The following ASXL2 variants were observed in gnomAD, a reference collection of about 807,000 sequenced individuals.
The protein encoded by ASXL2 is putative Polycomb group protein ASXL2.
Under a neutral mutation model 122.0 loss-of-function variants are expected in ASXL2, and 23 were observed. The ratio of observed to expected loss-of-function variants is 0.19; its 90% CI spans 0.14 to 0.27. ASXL2 has a LOEUF of 0.27. ASXL2 is among the 10% of genes least tolerant of loss of function. The pLI is 1.00. For missense variants in ASXL2, 1,518 were observed against 1,713.8 expected, an observed-to-expected ratio of 0.89 and a Z score of 2.02; for synonymous variants, 650 against 637.0, an observed-to-expected ratio of 1.02 and a Z score of -0.31.
At chr2:25,860,020 A>AAAAAT (rs1166575696) in intron 1 of ASXL2, among the ~76,000 whole-genome samples, 3 of 152,232 alleles carry the variant, frequency 2.0e-5, no homozygotes, top group African/African-American at 7.2e-5. Flanking sequence ...ATTGTCTCTT[A>AAAAAT]AAAATAAAAT....
At position 25,739,948 on chromosome 2, in the gene ASXL2, AG is replaced by A; in HGVS notation, c.*2080del. 1 of 217,824 alleles carries A rather than the reference AG, an allele frequency of 4.6e-6. No homozygotes were observed. 13.5% of individuals were successfully genotyped at this position (217,824 alleles called of 1,614,324 possible). On this transcript the variant is annotated 3_prime_UTR_variant, in exon 13 of 13. Coordinates refer to ENST00000435504, the MANE Select transcript of ASXL2 (RefSeq NM_018263.6). Reference sequence around the variant, plus strand: ...GGCAGGGAGAGTTCTATGCAGCAACAGGTCTCTTTAAACCCTTCCTGGATTG... The same window carrying A: ...GGCAGGGAGAGTTCTATGCAGCAACAGTCTCTTTAAACCCTTCCTGGATTG...
intron 3 of ASXL2, among the ~76,000 whole-genome samples, chr2:25,827,983 T>C (rs2089398664): frequency 6.6e-6 from 1 of 151,732 alleles, no homozygotes; most frequent in African/African-American, 2.4e-5. Flanking sequence ...ACTAACATCT[T>C]CTAAAAAGCA....
chr2:25,856,732 G>A, intron 1 of ASXL2: 1 of 1,305,256 alleles, frequency 7.7e-7, no homozygotes, highest in Admixed American at 1.7e-5. Flanking sequence ...GAGCCGATCT[G>A]GTTGACCTTC....
rs533016858 is a variant in ASXL2, at chr2:25,755,883, C to T, written c.1036+135G>A. The T allele has an allele frequency of 4.1e-6, 3 of 738,102 alleles. No individual in the cohort carries two copies. In the Admixed American group the frequency reaches 6.9e-5, roughly 17 times the overall value. 45.7% of individuals were successfully genotyped at this position (738,102 alleles called of 1,614,324 possible). The stretch of plus-strand genomic sequence containing the variant: ...TAGATAAAAGTTTAACAACGTGTTC[C>T]ACACATGATGGTTAATTCTATCCTA... On this transcript the variant is annotated intron_variant, in intron 10 of 12. Coordinates refer to ENST00000435504, the MANE Select transcript of ASXL2 (RefSeq NM_018263.6).
At chr2:25,868,865 T>C (rs900791355) in intron 1 of ASXL2, among the ~76,000 whole-genome samples, 2 of 151,884 alleles carry the variant, frequency 1.3e-5, no homozygotes, top group South Asian at 2.1e-4. Context: ...CGCATCTCTA[T>C]AAAAAATACA....
At chr2:25,876,951 T>C (rs2090014382) in intron 1 of ASXL2, among the ~76,000 whole-genome samples, 1 of 152,124 alleles carries the variant, frequency 6.6e-6, no homozygotes, top group African/African-American at 2.4e-5. Flanking sequence ...TTTGGGGAAA[T>C]AAAGAGACTA....
In ASXL2 at chr2:25,859,580, C is replaced by T. The variant is rs79278864; in HGVS notation, c.58-14017G>A. Among the ~76,000 whole-genome samples the T allele has an allele frequency of 2.0e-5, 3 of 152,268 alleles. No homozygotes were observed. In the East Asian group the frequency reaches 5.8e-4, roughly 29 times the overall value. On this transcript the variant is annotated intron_variant, in intron 1 of 12. Transcript: ENST00000435504. ...GTTCCAATTCTTAAAATGGACTAAG[C>T]ATATTCCACCCTGTCACTCCCACTG...
chr2:25,807,645 T>G (rs1403029948), intron 3 of ASXL2, among the ~76,000 whole-genome samples: 1 of 152,074 alleles, frequency 6.6e-6, no homozygotes, highest in African/African-American at 2.4e-5. Flanking sequence ...TAAAAAGATA[T>G]TAACATGTAC....
intron 7 of ASXL2, among the ~76,000 whole-genome samples, 185 bp downstream of exon 7, chr2:25,768,557 T>C (rs2088392302): frequency 6.6e-6 from 1 of 152,212 alleles, no homozygotes; most frequent in South Asian, 2.1e-4. Flanking sequence ...TTTTAATAAC[T>C]GCATGATTAT....
chr2:25,750,064 C>G lies in ASXL2; in HGVS notation c.1492G>C (p.Glu498Gln). 1 of 1,613,932 alleles carries G rather than the reference C, an allele frequency of 6.2e-7. No individual in the cohort carries two copies. The highest frequency in any genetic ancestry group is 8.5e-7 in the Non-Finnish European group (1 of 1,179,882). ...AGATGGTTCTTCTCAGATTCCTGTT[C>G]AGCAGAGGTGACTGGCTTCTGCTCC... The part of the protein sequence containing the change: ...LLEQKPVTSA[E>Q]QESEKNHLTT... Residue 498 changes from glutamate (E) to glutamine (Q), a missense_variant, in exon 12 of 13, where the codon GAA becomes CAA. Physicochemically the swap from Glu to Gln is conservative, Grantham distance 29. Coordinates refer to ENST00000435504, the MANE Select transcript of ASXL2 (RefSeq NM_018263.6).
chr2:25,835,560 C>T lies in ASXL2; in HGVS notation c.141-20G>A. On this transcript the variant is annotated intron_variant, in intron 2 of 12. Transcript: ENST00000435504. ...TACCTTCTGGAGTTGGAATGCAGTGCAGGAAAATGAAAGAAGGAAAAAAAA... is the reference window on the plus strand; with the variant it reads ...TACCTTCTGGAGTTGGAATGCAGTGTAGGAAAATGAAAGAAGGAAAAAAAA... 1 of 275,116 alleles carries T rather than the reference C, an allele frequency of 3.6e-6. No individual in the cohort carries two copies. The highest frequency in any genetic ancestry group is 7.8e-6 in the Non-Finnish European group (1 of 127,714). 17.0% of individuals were successfully genotyped at this position (275,116 alleles called of 1,614,324 possible). A position where few individuals can be genotyped will look rare whatever the true frequency, so the allele number is the denominator to read the frequency against.
intron 1 of ASXL2, chr2:25,856,645 C>A: frequency 8.0e-7 from 1 of 1,257,310 alleles, no homozygotes; most frequent in Non-Finnish European, 1.2e-6. Flanking sequence ...TCCTCAGTCT[C>A]CCCAGAGTGG....
chr2:25,878,415 T>G lies in ASXL2; in HGVS notation c.-193A>C. 8.3e-6 allele frequency: 5 copies of G among 600,476 alleles called. No individual in the cohort carries two copies. Among genetic ancestry groups the G allele is most frequent in the Non-Finnish European group, 8.8e-6 (3 of 339,102 alleles). The allele number at this position is 600,476 out of a possible 1,614,324, so 37.2% of individuals were successfully genotyped here. A position where few individuals can be genotyped will look rare whatever the true frequency, so the allele number is the denominator to read the frequency against. The stretch of plus-strand genomic sequence containing the variant: ...GGGGTCTATGGGGCGGCCGGTCCTC[T>G]TGCTGCCGTTGCCACTGCTACCGCC... On this transcript the variant is annotated 5_prime_UTR_variant, in exon 1 of 13. Coordinates refer to ENST00000435504, the MANE Select transcript of ASXL2 (RefSeq NM_018263.6).
intron 3 of ASXL2, among the ~76,000 whole-genome samples, chr2:25,807,884 C>T (rs2089106088): frequency 6.6e-6 from 1 of 152,036 alleles, no homozygotes; most frequent in Non-Finnish European, 1.5e-5. Flanking sequence ...CAAAAATTTC[C>T]TGTGAAACAA....
At chr2:25,857,889 T>C (rs2089799671) in intron 1 of ASXL2, among the ~76,000 whole-genome samples, 1 of 152,202 alleles carries the variant, frequency 6.6e-6, no homozygotes, top group Non-Finnish European at 1.5e-5. Context: ...TTATTTATTT[T>C]TGAGACAGAG....
intron 12 of ASXL2, among the ~76,000 whole-genome samples, chr2:25,745,457 C>T (rs1473714923): frequency 6.6e-6 from 1 of 151,026 alleles, no homozygotes; most frequent in African/African-American, 2.4e-5. Flanking sequence ...TTGTGATATA[C>T]CTGCCTCGGC....
At chr2:25,859,154 TG>T (rs755346166) in intron 1 of ASXL2, among the ~76,000 whole-genome samples, 4 of 144,550 alleles carry the variant, frequency 2.8e-5, no homozygotes, top group Non-Finnish European at 4.6e-5. Context: ...TTGCCCAGAC[TG>T]GCCTTGAATT....
At position 25,806,268 on chromosome 2, in the gene ASXL2, G is replaced by A. The variant is rs1336645478; in HGVS notation, c.213C>T (p.Phe71=). 6.2e-7 allele frequency: 1 copy of A among 1,613,496 alleles called. No homozygotes were observed. The highest frequency in any genetic ancestry group is 1.3e-5 in the African/African-American group (1 of 75,022). Residue 71 remains phenylalanine (F), a synonymous_variant, in exon 4 of 13, where the codon TTC becomes TTT. Transcript: ENST00000435504. ...CTCCCATTCTACCTGGAACCTTATA[G>A]AAGATGCCCTCTTCACCTCTGGAGT... is the stretch of plus-strand genomic sequence containing the variant. ...HTNSRGEEGI[F]YKVPGRMGVY...
At chr2:25,851,694 C>G (rs964316479) in intron 1 of ASXL2, among the ~76,000 whole-genome samples, 1 of 152,110 alleles carries the variant, frequency 6.6e-6, no homozygotes, top group Non-Finnish European at 1.5e-5. Flanking sequence ...CAGTCATGAC[C>G]AGCCTGGCCA....
Sources: gnomAD v4.1 joint callset for allele counts (sites outside exome capture counted in the v4.1 genomes callset) on GRCh38, gnomAD v4.1.1 for gene constraint, MANE v1.5 for transcripts, NCBI Gene and HGNC (gene_info 2026-07-23, HGNC 2026-07-21) for gene names.